The following SULF2 variants were observed in gnomAD, a reference collection of about 807,000 sequenced individuals.
SULF2 encodes the protein sulfatase 2, also known as extracellular sulfatase Sulf-2.
In SULF2, 52 loss-of-function variants were observed where a neutral mutation model predicts 107.7. That is an observed-to-expected ratio of 0.48 (90% CI 0.39 to 0.61). The LOEUF (loss-of-function observed/expected upper bound fraction) is 0.61. Among genes scored for constraint, SULF2 ranks in the 20% least tolerant of loss-of-function variants. The pLI is 0.00. For synonymous variants in SULF2, 460 were observed against 464.3 expected, an observed-to-expected ratio of 0.99 and a Z score of 0.12; for missense variants, 993 against 1,177.3, an observed-to-expected ratio of 0.84 and a Z score of 2.29.
intron 3 of SULF2, among the ~76,000 whole-genome samples, chr20:47,705,566 C>T (rs2088705895): frequency 6.6e-6 from 1 of 152,186 alleles, no homozygotes. Flanking sequence ...CATCCAGCTC[C>T]TCAAAGCAGT....
intron 2 of SULF2, among the ~76,000 whole-genome samples, chr20:47,739,860 T>C (rs921141891): frequency 4.6e-5 from 7 of 152,336 alleles, no homozygotes; most frequent in African/African-American, 1.7e-4. Context: ...TCCACAGACC[T>C]GTGTGTTGGT....
chr20:47,659,303 G>A, intron 20 of SULF2, 96 bp downstream of exon 20: 1 of 1,077,060 alleles, frequency 9.3e-7, no homozygotes, highest in Admixed American at 1.7e-5. Flanking sequence ...ACAAACAAAG[G>A]GTGGTATGTA....
chr20:47,747,014 T>TACAC (rs1555853927), intron 2 of SULF2, among the ~76,000 whole-genome samples: 1,422 of 74,472 alleles, frequency 0.019, 10 homozygotes, highest in East Asian at 0.049. Context: ...TATATATATA[T>TACAC]ATATACACAC....
Position 47,672,372 on chromosome 20 carries a change from C to A in SULF2, c.1402G>T (p.Ala468Ser). ...TTATGCAGCTTCAGCTTCCCCGTGG[C>A]GTCCTCCACACACTGCCACTTCTGA... The part of the protein sequence containing the change: ...LGQKWQCVED[A>S]TGKLKLHKCK... The change falls in exon 11 of 21, where the codon GCC becomes TCC. Residue 468 changes from alanine to serine, a missense_variant. Physicochemically the swap from Ala to Ser is moderately conservative, Grantham distance 99 (BLOSUM62 1). Around this residue, in one of 3 missense-constraint regions of SULF2, gnomAD observed 497 missense variants for 544.1 expected, o/e 0.91. Transcript: ENST00000688720. 1 of 1,611,142 alleles carries A rather than the reference C, an allele frequency of 6.2e-7. No individual in the cohort carries two copies. Among genetic ancestry groups the A allele is most frequent in the Non-Finnish European group, 8.5e-7 (1 of 1,179,238 alleles).
intron 10 of SULF2, among the ~76,000 whole-genome samples, chr20:47,675,309 T>C (rs960203630): frequency 6.6e-6 from 1 of 152,096 alleles, no homozygotes. Context: ...CTGTTGAGCA[T>C]GTTCGAGGCT....
chr20:47,729,302 G>A (rs1018584518), intron 3 of SULF2, among the ~76,000 whole-genome samples: 14 of 152,186 alleles, frequency 9.2e-5, no homozygotes, highest in African/African-American at 3.4e-4. Flanking sequence ...TGAGGTGGCT[G>A]TCGGGGCCTC....
intron 1 of SULF2, among the ~76,000 whole-genome samples, chr20:47,763,243 A>G (rs1322530142): frequency 1.3e-5 from 2 of 152,152 alleles, no homozygotes; most frequent in Non-Finnish European, 2.9e-5. Context: ...CCAGCCCAGG[A>G]GACATCTCTG....
At chr20:47,712,113 C>T (rs1416251057) in intron 3 of SULF2, among the ~76,000 whole-genome samples, 1 of 152,224 alleles carries the variant, frequency 6.6e-6, no homozygotes, top group African/African-American at 2.4e-5. Context: ...CTTGCTTCTT[C>T]ACCTGTTTCC....
At chr20:47,703,893 G>A (rs993478460) in intron 3 of SULF2, among the ~76,000 whole-genome samples, 1 of 152,202 alleles carries the variant, frequency 6.6e-6, no homozygotes, top group Non-Finnish European at 1.5e-5. Context: ...AATGTTAAGA[G>A]AGATAAACCA....
At chr20:47,689,426 C>T (rs2088123454) in intron 5 of SULF2, 1 of 152,272 alleles carries the variant, frequency 6.6e-6, no homozygotes, top group Non-Finnish European at 1.5e-5. Context: ...TGAGGACACT[C>T]AAACACCCTA....
chr20:47,770,648 C>T (rs1013975191), intron 1 of SULF2, among the ~76,000 whole-genome samples: 8 of 152,276 alleles, frequency 5.3e-5, no homozygotes, highest in African/African-American at 1.4e-4. Flanking sequence ...CAGGAACTTG[C>T]GCAGGACATG....
At position 47,717,025 on chromosome 20, in the gene SULF2, A is replaced by G. The variant is rs1600559019; in HGVS notation, c.416-14355T>C. On this transcript the variant is annotated intron_variant, in intron 3 of 20. Coordinates refer to ENST00000688720, the MANE Select transcript of SULF2 (RefSeq NM_001387048.1). ...CCCTATTTCTAAAAAATAAAATAAA[A>G]TGGGTATGCAGATGGAAAAGGGAAG... is the stretch of plus-strand genomic sequence containing the variant. Among the ~76,000 whole-genome samples, 3 of 152,074 alleles carry G rather than the reference A, an allele frequency of 2.0e-5. No individual in the cohort carries two copies. The East Asian group carries it at 5.8e-4, about 29-fold the overall frequency.
In SULF2 at chr20:47,665,308, G is replaced by A. The variant is rs772193632; in HGVS notation, c.1903-15C>T. ...AGGGTTTCAATCTGAGGGAGGGGCA[G>A]AAGAGGAGGCCTTGAAACCTTCAAG... On this transcript the variant is annotated splice_polypyrimidine_tract_variant and intron_variant, in intron 13 of 20. Coordinates refer to ENST00000688720, the MANE Select transcript of SULF2 (RefSeq NM_001387048.1). 2 of 1,543,472 alleles carry A rather than the reference G, an allele frequency of 1.3e-6. No individual in the cohort carries two copies. Among genetic ancestry groups the A allele is most frequent in the East Asian group, 2.2e-5 (1 of 44,554 alleles).
At chr20:47,684,321 C>T in intron 6 of SULF2, 110 bp downstream of exon 6, 13 of 1,267,758 alleles carry the variant, frequency 1.0e-5, no homozygotes, top group Non-Finnish European at 1.3e-5. Context: ...TTCATTCTGC[C>T]TTTGATTTCT....
chr20:47,773,211 C>T (rs528696891), intron 1 of SULF2, among the ~76,000 whole-genome samples: 1 of 152,340 alleles, frequency 6.6e-6, no homozygotes, highest in African/African-American at 2.4e-5. Context: ...CAGGCCAGGC[C>T]TCTGTCCTCA....
chr20:47,659,389 C>T lies in SULF2; in HGVS notation c.2582+10G>A, dbSNP rs1172535124. The T allele has an allele frequency of 1.9e-6, 3 of 1,613,674 alleles. No individual in the cohort carries two copies. Among genetic ancestry groups the T allele is most frequent in the Admixed American group, 1.7e-5 (1 of 60,028 alleles). The stretch of plus-strand genomic sequence containing the variant: ...CAGATTTCTATTTGTAAGCTGGTTC[C>T]TCAACTCACAGTGATTTGGAAGAAG... On this transcript the variant is annotated intron_variant, in intron 20 of 20. Transcript: ENST00000688720.
chr20:47,677,070 G>A lies in SULF2; in HGVS notation c.1250+8C>T, dbSNP rs2087666830. On this transcript the variant is annotated splice_region_variant and intron_variant, in intron 9 of 20. Coordinates refer to ENST00000688720, the MANE Select transcript of SULF2 (RefSeq NM_001387048.1). ...GCAGGGGTGTCCCTCCCAGGACCCG[G>A]CACTCACCCTCTCTCCACCAAGAAG... is the stretch of plus-strand genomic sequence containing the variant. 6.2e-7 allele frequency: 1 copy of A among 1,612,458 alleles called. No individual in the cohort carries two copies. Among genetic ancestry groups the A allele is most frequent in the Non-Finnish European group, 8.5e-7 (1 of 1,179,546 alleles).
At chr20:47,698,482 A>T (rs2088457314) in intron 4 of SULF2, among the ~76,000 whole-genome samples, 1 of 151,902 alleles carries the variant, frequency 6.6e-6, no homozygotes, top group African/African-American at 2.4e-5. Flanking sequence ...AGCTGGGAGG[A>T]TATAAGGAAG....
At position 47,747,760 on chromosome 20, in the gene SULF2, C is replaced by T. The variant is rs529639822; in HGVS notation, c.175+9429G>A. On this transcript the variant is annotated intron_variant, in intron 2 of 20. Transcript: ENST00000688720. ...TCTCCCAATCTGTTCCTCCTGCCCC[C>T]GCCTTCCCATCTCTGTAAATGGCAC... Among the ~76,000 whole-genome samples the T allele has an allele frequency of 3.9e-5, 6 of 152,154 alleles. No homozygotes were observed. The South Asian group carries it at 1.0e-3, about 26-fold the overall frequency.
Sources: allele counts gnomAD v4.1 joint callset (sites outside exome capture counted in the v4.1 genomes callset), GRCh38; gene constraint gnomAD v4.1.1; regional missense constraint gnomAD v4.1.1; transcripts MANE v1.5; gene names NCBI Gene and HGNC (gene_info 2026-07-23, HGNC 2026-07-21).